Variants in NRXN3 observed in about 807,000 individuals in gnomAD.
NRXN3 encodes the protein neurexin 3, also known as neurexin III.
In NRXN3, 32 loss-of-function variants were observed where a neutral mutation model predicts 137.6. The observed-to-expected ratio is 0.23, with a 90% CI of 0.18 to 0.31. The LOEUF (loss-of-function observed/expected upper bound fraction) is 0.31, where lower values mean the gene tolerates loss of function less well. Among genes scored for constraint, NRXN3 ranks in the 10% least tolerant of loss-of-function variants. The pLI is 1.00. For synonymous variants in NRXN3, 798 were observed against 784.5 expected (o/e 1.02, Z -0.29); for missense variants, 1,574 against 2,062.5 (o/e 0.76, Z 4.59).
At chr14:79,165,455 T>G (rs545841310) in intron 15 of NRXN3, among the ~76,000 whole-genome samples, 2 of 152,080 alleles carry the variant, frequency 1.3e-5, no homozygotes, top group Non-Finnish European at 2.9e-5. Flanking sequence ...TCATTTTGTC[T>G]TAAAGAAAAG....
intron 4 of NRXN3, among the ~76,000 whole-genome samples, chr14:78,373,144 A>G (rs997954674): frequency 6.6e-6 from 1 of 152,178 alleles, no homozygotes; most frequent in Admixed American, 6.5e-5. Flanking sequence ...AATATATTAA[A>G]CATTGGAGGT....
chr14:79,034,476 C>T (rs28667554), intron 15 of NRXN3, among the ~76,000 whole-genome samples: 6,490 of 152,108 alleles, frequency 0.043, 520 homozygotes, highest in African/African-American at 0.15. Context: ...GGGCAAGTCG[C>T]TTAACTGTCT....
At chr14:79,055,555 G>A (rs1350314520) in intron 15 of NRXN3, among the ~76,000 whole-genome samples, 1 of 152,072 alleles carries the variant, frequency 6.6e-6, no homozygotes, top group East Asian at 1.9e-4. Context: ...GGTCATTTAA[G>A]TATACCTATA....
intron 20 of NRXN3, among the ~76,000 whole-genome samples, chr14:79,847,698 CCAAAGGGAGAA>C (rs1227594415): frequency 6.6e-6 from 1 of 152,022 alleles, no homozygotes; most frequent in East Asian, 1.9e-4. Flanking sequence ...GGGGCTGAGG[CCAAAGGGAGAA>C]TTCTCCTTAA....
chr14:79,003,969 G>T (rs1452590050), intron 15 of NRXN3, among the ~76,000 whole-genome samples: 1 of 152,088 alleles, frequency 6.6e-6, no homozygotes, highest in African/African-American at 2.4e-5. Context: ...GCCAGAAGGG[G>T]GTTGGTGGAG....
intron 3 of NRXN3, among the ~76,000 whole-genome samples, chr14:78,287,050 G>T (rs1256103712): frequency 6.6e-6 from 1 of 152,194 alleles, no homozygotes; most frequent in Non-Finnish European, 1.5e-5. Context: ...GAGAGCTAAT[G>T]AATGAGATCC....
intron 4 of NRXN3, among the ~76,000 whole-genome samples, chr14:78,605,705 G>A (rs2097244745): frequency 6.9e-6 from 1 of 144,640 alleles, no homozygotes; most frequent in African/African-American, 2.5e-5. Context: ...TACATTTGTT[G>A]GGATTTCTTT....
intron 4 of NRXN3, among the ~76,000 whole-genome samples, chr14:78,404,739 G>A (rs1194150738): frequency 1.3e-5 from 2 of 152,128 alleles, no homozygotes; most frequent in African/African-American, 2.4e-5. Flanking sequence ...ACATACTTTT[G>A]GGATAAGCTC....
chr14:78,200,737 AT>A lies in NRXN3; in HGVS notation c.-704+30064del, dbSNP rs544799307. 3.3e-4 allele frequency among the ~76,000 whole-genome samples: 51 copies of A among 152,306 alleles called. No homozygotes were observed. In the South Asian group the frequency reaches 1.0e-2, roughly 30 times the overall value. On this transcript the variant is annotated intron_variant, in intron 1 of 20. Transcript: ENST00000335750. Reference sequence around the variant, plus strand: ...ATCCTTTATGGATTAAATCAGATTAATCACAATGGTTCTCCAATATCTCAGG... The same window carrying A: ...ATCCTTTATGGATTAAATCAGATTAACACAATGGTTCTCCAATATCTCAGG...
At chr14:79,602,866 C>T (rs992493609) in intron 16 of NRXN3, among the ~76,000 whole-genome samples, 3 of 152,102 alleles carry the variant, frequency 2.0e-5, no homozygotes, top group Non-Finnish European at 4.4e-5. Flanking sequence ...TTTCCAACTA[C>T]CTGCCAAGTG....
At chr14:78,449,100 G>A (rs538033419) in intron 4 of NRXN3, among the ~76,000 whole-genome samples, 3 of 152,222 alleles carry the variant, frequency 2.0e-5, no homozygotes, top group African/African-American at 4.8e-5. Context: ...CATTCCCTCC[G>A]CAGCCTCCTA....
At chr14:78,361,080 A>G (rs1321837564) in intron 4 of NRXN3, among the ~76,000 whole-genome samples, 2 of 152,200 alleles carry the variant, frequency 1.3e-5, no homozygotes, top group Admixed American at 6.6e-5. Flanking sequence ...TAATTTTAAC[A>G]TGGCCAATAA....
chr14:79,019,850 G>A (rs1438436708), intron 15 of NRXN3, among the ~76,000 whole-genome samples: 1 of 152,140 alleles, frequency 6.6e-6, no homozygotes, highest in African/African-American at 2.4e-5. Context: ...GTAATCCAAT[G>A]AGGGAAACCA....
chr14:79,080,795 C>A (rs1043836382), intron 15 of NRXN3, among the ~76,000 whole-genome samples: 1 of 152,174 alleles, frequency 6.6e-6, no homozygotes, highest in African/African-American at 2.4e-5. Context: ...CGTGCGCTTG[C>A]CATGGTCTTT....
chr14:79,582,587 T>A (rs77709879), intron 16 of NRXN3, among the ~76,000 whole-genome samples: 1 of 146,534 alleles, frequency 6.8e-6, no homozygotes, highest in Admixed American at 6.8e-5. Flanking sequence ...CGCCCAGCAA[T>A]TTTTTTTTTT....
At chr14:79,511,066 A>G (rs1404760730) in intron 16 of NRXN3, among the ~76,000 whole-genome samples, 1 of 152,174 alleles carries the variant, frequency 6.6e-6, no homozygotes, top group Admixed American at 6.5e-5. Context: ...TGATTCTGTT[A>G]AAGAGGAAGA....
At chr14:79,715,389 G>A (rs2098820287) in intron 19 of NRXN3, among the ~76,000 whole-genome samples, 1 of 152,214 alleles carries the variant, frequency 6.6e-6, no homozygotes. Context: ...GGTGATGGAA[G>A]TATTTTTCCT....
At chr14:79,807,115 C>A (rs1270534843) in intron 20 of NRXN3, among the ~76,000 whole-genome samples, 1 of 150,588 alleles carries the variant, frequency 6.6e-6, no homozygotes, top group Non-Finnish European at 1.5e-5. Context: ...GTAGCTAGAA[C>A]TACATGCACC....
chr14:79,478,205 A>C (rs1199303655), intron 16 of NRXN3, among the ~76,000 whole-genome samples: 4 of 148,212 alleles, frequency 2.7e-5, no homozygotes, highest in Non-Finnish European at 4.5e-5. Flanking sequence ...TTATACAAAT[A>C]TATATAATGT....
Sources: gnomAD v4.1 joint callset for allele counts (sites outside exome capture counted in the v4.1 genomes callset) on GRCh38, gnomAD v4.1.1 for gene constraint, MANE v1.5 for transcripts, NCBI Gene and HGNC (gene_info 2026-07-23, HGNC 2026-07-21) for gene names.